SLC67A1: variants seen among roughly 807,000 people sequenced by gnomAD.
SLC67A1 encodes solute carrier family 67 member A1.
the SLC67A1 span, among the ~76,000 whole-genome samples, chr11:2,923,109 G>A: frequency 6.6e-6 from 1 of 152,156 alleles, no homozygotes; most frequent in Non-Finnish European, 1.5e-5. This position sits in a 1 kb window ranked among gnomAD's most constrained non-coding sequence, Gnocchi z 6.5. Context: ...TGCAGACTGG[G>A]GGTGTCCTGG....
the SLC67A1 span, chr11:2,919,099 CA>C: frequency 3.4e-6 from 2 of 590,448 alleles, no homozygotes; most frequent in Non-Finnish European, 6.2e-6. Context: ...GCTTAGCAAC[CA>C]CACGAGAGGC....
At chr11:2,909,564 C>A in the SLC67A1 span, 23 of 1,524,458 alleles carry the variant, frequency 1.5e-5, no homozygotes, top group Middle Eastern at 2.3e-4. Context: ...TCAGCTCCCC[C>A]GCCCCGTCCC....
At chr11:2,924,204 G>T in the SLC67A1 span, among the ~76,000 whole-genome samples, 1 of 152,208 alleles carries the variant, frequency 6.6e-6, no homozygotes, top group Non-Finnish European at 1.5e-5. The surrounding 1 kb of genome is among the most constrained non-coding windows in gnomAD (Gnocchi z 8.6). Context: ...GTGGAGATGC[G>T]GTGTCAGGGA....
At chr11:2,909,890 G>T in the SLC67A1 span, 4 of 638,040 alleles carry the variant, frequency 6.3e-6, no homozygotes, top group Admixed American at 1.1e-4. Flanking sequence ...TCCCGGGCTG[G>T]CTGGCCCTGG....
chr11:2,916,660 T>C, the SLC67A1 span: 1 of 1,612,784 alleles, frequency 6.2e-7, no homozygotes. Context: ...CTGGCCACCC[T>C]CCTGGGAGCT....
the SLC67A1 span, among the ~76,000 whole-genome samples, chr11:2,924,249 G>A: frequency 1.3e-5 from 2 of 152,218 alleles, no homozygotes; most frequent in Non-Finnish European, 2.9e-5. The surrounding 1 kb of genome is among the most constrained non-coding windows in gnomAD (Gnocchi z 8.6). Context: ...GGGCTGTCTG[G>A]GGAGCCTCGG....
the SLC67A1 span, chr11:2,917,949 C>A: frequency 6.5e-7 from 1 of 1,530,090 alleles, no homozygotes; most frequent in Non-Finnish European, 9.0e-7. Context: ...GGCATTGGGA[C>A]AATGGCCTTT....
the SLC67A1 span, chr11:2,922,079 C>T: frequency 6.3e-6 from 10 of 1,589,402 alleles, no homozygotes; most frequent in Non-Finnish European, 7.8e-6. Flanking sequence ...ATACCCACTT[C>T]TACCCTCTCT....
At chr11:2,917,798 C>T in the SLC67A1 span, among the ~76,000 whole-genome samples, 14 of 152,230 alleles carry the variant, frequency 9.2e-5, no homozygotes, top group African/African-American at 3.4e-4. Flanking sequence ...TGCTGAGGGG[C>T]GGTGCCCAAC....
chr11:2,901,604 G>C, the SLC67A1 span, among the ~76,000 whole-genome samples: 42 of 152,250 alleles, frequency 2.8e-4, no homozygotes, highest in Admixed American at 2.7e-3. Flanking sequence ...GTGCTCCAGC[G>C]GCTCCTGCTG....
chr11:2,908,223 T>C, the SLC67A1 span: 8 of 1,597,592 alleles, frequency 5.0e-6, no homozygotes, highest in South Asian at 8.8e-5. Flanking sequence ...GGCTCCCTCC[T>C]GTGTTTCAGT....
the SLC67A1 span, chr11:2,903,621 C>CT: frequency 1.2e-6 from 1 of 808,104 alleles, no homozygotes; most frequent in East Asian, 3.0e-5. Flanking sequence ...AGTTGGGACT[C>CT]ATGCCACGCT....
At chr11:2,909,755 G>C in the SLC67A1 span, 1 of 1,415,244 alleles carries the variant, frequency 7.1e-7, no homozygotes, top group Non-Finnish European at 9.2e-7. Context: ...CAGGACGCCC[G>C]CGGCTGGGTC....
chr11:2,901,136 A>G, the SLC67A1 span, among the ~76,000 whole-genome samples: 1 of 152,188 alleles, frequency 6.6e-6, no homozygotes, highest in Admixed American at 6.5e-5. Context: ...CAGGAGAGCA[A>G]GAGAAGGTCA....
chr11:2,901,538 A>G, the SLC67A1 span, among the ~76,000 whole-genome samples: 1 of 152,232 alleles, frequency 6.6e-6, no homozygotes, highest in South Asian at 2.1e-4. Context: ...GGCACGGAGA[A>G]TGGTGCCCAG....
the SLC67A1 span, chr11:2,916,541 A>G: frequency 5.8e-6 from 6 of 1,035,188 alleles, no homozygotes; most frequent in South Asian, 8.4e-5. Context: ...TAGTGCAACC[A>G]AAGGTGCAGG....
the SLC67A1 span, chr11:2,922,534 G>C: frequency 6.2e-7 from 1 of 1,612,936 alleles, no homozygotes; most frequent in African/African-American, 1.3e-5. Flanking sequence ...TGCTGATCAA[G>C]GCTGTCTCCA....
chr11:2,904,272 C>T, the SLC67A1 span, among the ~76,000 whole-genome samples: 1 of 152,220 alleles, frequency 6.6e-6, no homozygotes, highest in South Asian at 2.1e-4. Context: ...CTGCCCTCCT[C>T]CTCTCAGCCC....
At chr11:2,912,010 C>T in the SLC67A1 span, among the ~76,000 whole-genome samples, 1 of 152,342 alleles carries the variant, frequency 6.6e-6, no homozygotes, top group South Asian at 2.1e-4. Flanking sequence ...CCAGCTGTGA[C>T]ATTTCCTTTG....
Sources: allele counts gnomAD v4.1 joint callset (sites outside exome capture counted in the v4.1 genomes callset), GRCh38; gene constraint gnomAD v4.1.1; non-coding constraint Gnocchi (gnomAD v3.1); transcripts MANE v1.5; gene names NCBI Gene and HGNC (gene_info 2026-07-23, HGNC 2026-07-21).